Variants in PCDHGB2 observed in about 807,000 individuals in gnomAD.
PCDHGB2 encodes protocadherin gamma-B2.
In PCDHGB2, 55 loss-of-function variants were observed where a neutral mutation model predicts 59.3. The ratio of observed to expected loss-of-function variants is 0.93; its 90% confidence interval spans 0.75 to 1.16. The LOEUF is 1.16. Among genes scored for constraint, PCDHGB2 ranks in the 50% most tolerant of loss-of-function variants. The pLI, the probability that PCDHGB2 is intolerant of heterozygous loss-of-function variation, is 0.00. For synonymous variants in PCDHGB2, 516 were observed against 512.0 expected (o/e 1.01, Z -0.11); for missense variants, 1,228 against 1,198.5 (o/e 1.02, Z -0.36).
Position 141,487,781 on chromosome 5 carries a change from G to T in PCDHGB2, c.2422-7026G>T. ...AGACGCTGTGCTTTGTAACTGTTTC[G>T]TGAATTAACCAGAGTTGTCACAGTT... On this transcript the variant is annotated intron_variant, in intron 1 of 3. Transcript: ENST00000522605. This position sits in a 1 kb window ranked among gnomAD's most constrained non-coding sequence, Gnocchi z 5.0. 2 of 1,526,850 alleles carry T rather than the reference G, an allele frequency of 1.3e-6. No homozygotes were observed. The highest frequency in any genetic ancestry group is 8.8e-7 in the Non-Finnish European group (1 of 1,130,880). The allele number at this position is 1,526,850 out of a possible 1,614,324, so 94.6% of individuals were successfully genotyped here. A position where few individuals can be genotyped will look rare whatever the true frequency, so the allele number is the denominator to read the frequency against.
At position 141,403,569 on chromosome 5, in the gene PCDHGB2, C is replaced by A. The variant is rs1206497487; in HGVS notation, c.2421+41013C>A. On this transcript the variant is annotated intron_variant, in intron 1 of 3. Transcript: ENST00000522605. The stretch of plus-strand genomic sequence containing the variant: ...CGCGCCCTGGACAGGGAGGAGGCAA[C>A]TGCCCACCACCTGGTCCTCACGGCC... The A allele has an allele frequency of 5.6e-6, 9 of 1,613,828 alleles. No homozygotes were observed. The Admixed American group carries it at 6.7e-5, about 12-fold the overall frequency.
intron 1 of PCDHGB2, among the ~76,000 whole-genome samples, chr5:141,438,325 A>C (rs1400796518): frequency 6.6e-6 from 1 of 151,948 alleles, no homozygotes; most frequent in African/African-American, 2.4e-5. Context: ...AATTTTTCTT[A>C]TACATGTCAT....
rs775153988 is a variant in PCDHGB2 at position 141,485,268 on chromosome 5, G to A, written c.2422-9539G>A. On this transcript the variant is annotated intron_variant, in intron 1 of 3. Coordinates refer to ENST00000522605, the MANE Select transcript of PCDHGB2 (RefSeq NM_018923.3). This position sits in a 1 kb window ranked among gnomAD's most constrained non-coding sequence, Gnocchi z 5.7. ...CTGGGTTACGTTTGTGGGCAGATCC[G>A]CTACCCGGTCCCAGAGGAGTCACAG... 6.2e-7 allele frequency: 1 copy of A among 1,614,100 alleles called. No homozygotes were observed. Among genetic ancestry groups the A allele is most frequent in the Non-Finnish European group, 8.5e-7 (1 of 1,179,936 alleles).
In PCDHGB2 at chr5:141,476,850, A is replaced by G. The variant is rs747333239; in HGVS notation, c.2422-17957A>G. The G allele has an allele frequency of 1.2e-6, 2 of 1,613,836 alleles. No individual in the cohort carries two copies. Among genetic ancestry groups the G allele is most frequent in the Admixed American group, 3.3e-5 (2 of 60,030 alleles). ...GCGAATGACAATGCGCCTGTCTTCA[A>G]CCAGTCCTTGTACCGGGCGCGCGTC... is the stretch of plus-strand genomic sequence containing the variant. On this transcript the variant is annotated intron_variant, in intron 1 of 3. Transcript: ENST00000522605. The surrounding 1 kb of genome is among the most constrained non-coding windows in gnomAD (Gnocchi z 7.6).
intron 1 of PCDHGB2, chr5:141,385,324 G>A (rs1781124607): frequency 1.2e-6 from 2 of 1,607,160 alleles, no homozygotes; most frequent in Non-Finnish European, 1.7e-6. Flanking sequence ...AAGTATTCAG[G>A]TGAGCCCAGC....
At position 141,487,025 on chromosome 5, in the gene PCDHGB2, C is replaced by T. The variant is rs769789352; in HGVS notation, c.2422-7782C>T. On this transcript the variant is annotated intron_variant, in intron 1 of 3. Transcript: ENST00000522605. This position sits in a 1 kb window ranked among gnomAD's most constrained non-coding sequence, Gnocchi z 5.0. ...GCTCCTGGAGGCCCCAGATCCCAGCCTGTTTGCAGTCTCTCGATATGCTGG... is the reference window on the plus strand; with the variant it reads ...GCTCCTGGAGGCCCCAGATCCCAGCTTGTTTGCAGTCTCTCGATATGCTGG... 1.9e-6 allele frequency: 3 copies of T among 1,614,216 alleles called. No homozygotes were observed. Among genetic ancestry groups the T allele is most frequent in the Non-Finnish European group, 2.5e-6 (3 of 1,180,050 alleles).
At chr5:141,433,332 T>C (rs1344429296) in intron 1 of PCDHGB2, 7 of 694,580 alleles carry the variant, frequency 1.0e-5, no homozygotes, top group Non-Finnish European at 1.7e-5. Context: ...TAACAGGGAC[T>C]ACAGGTGCAA....
chr5:141,404,758 T>C, intron 1 of PCDHGB2: 1 of 1,613,742 alleles, frequency 6.2e-7, no homozygotes, highest in Non-Finnish European at 8.5e-7. Flanking sequence ...GCCAGAATGC[T>C]TGGCTCTCCT....
intron 1 of PCDHGB2, chr5:141,394,971 C>T: frequency 6.2e-7 from 1 of 1,613,938 alleles, no homozygotes. Context: ...GAGGCGCTGG[C>T]ACAAGTCACG....
chr5:141,422,197 G>C, intron 1 of PCDHGB2: 1 of 1,562,284 alleles, frequency 6.4e-7, no homozygotes, highest in Non-Finnish European at 8.6e-7. Flanking sequence ...TCAAGGCCAA[G>C]ATGGTGGAGG....
In PCDHGB2 at chr5:141,362,013, G is replaced by T. The variant is rs781020540; in HGVS notation, c.1878G>T (p.Val626=). ...LFSLGLRTGE[V]RTARALGDRD... ...GCCTGGGGTTGCGCACGGGTGAGGT[G>T]CGCACAGCGCGTGCCTTGGGCGACA... The change falls in exon 1 of 4, where the codon GTG becomes GTT. Residue 626 remains valine (V), a synonymous_variant. Transcript: ENST00000522605. 1 of 1,606,178 alleles carries T rather than the reference G, an allele frequency of 6.2e-7. No homozygotes were observed. The highest frequency in any genetic ancestry group is 1.1e-5 in the South Asian group (1 of 90,832).
intron 1 of PCDHGB2, chr5:141,384,043 G>A (rs367639640): frequency 1.6e-5 from 26 of 1,612,650 alleles, no homozygotes; most frequent in Admixed American, 3.3e-5. Flanking sequence ...GAATGGTGAG[G>A]TGACCTGCAC....
intron 1 of PCDHGB2, chr5:141,370,715 A>C (rs767773166): frequency 5.0e-6 from 8 of 1,613,816 alleles, no homozygotes; most frequent in East Asian, 2.2e-5. Flanking sequence ...TGGAATTTGA[A>C]ATGGTTGCTG....
chr5:141,454,563 C>T (rs1056296059), intron 1 of PCDHGB2, among the ~76,000 whole-genome samples: 46 of 151,960 alleles, frequency 3.0e-4, no homozygotes, highest in Non-Finnish European at 4.9e-4. Context: ...TGTGCCACCA[C>T]GCCCGGCTAA....
At chr5:141,364,765 T>C (rs767363057) in intron 1 of PCDHGB2, 4 of 1,613,970 alleles carry the variant, frequency 2.5e-6, no homozygotes, top group Non-Finnish European at 3.4e-6. Flanking sequence ...TTAATGAAAA[T>C]GCGGCTGCAG....
At chr5:141,419,151 C>T (rs2096335413) in intron 1 of PCDHGB2, 2 of 1,613,800 alleles carry the variant, frequency 1.2e-6, no homozygotes, top group African/African-American at 2.7e-5. Context: ...GGCAAGCCTC[C>T]GTTATCCTCC....
intron 1 of PCDHGB2, among the ~76,000 whole-genome samples, chr5:141,460,976 T>C (rs1444476508): frequency 7.6e-6 from 1 of 131,636 alleles, no homozygotes; most frequent in Non-Finnish European, 1.6e-5. Flanking sequence ...TGTGTGTGTG[T>C]GTGTGTGTAT....
Position 141,404,690 on chromosome 5 carries a change from C to T in PCDHGB2, c.2421+42134C>T, listed in dbSNP as rs199517824. The T allele has an allele frequency of 1.9e-4, 304 of 1,613,808 alleles. 1 individual carries two copies. Among genetic ancestry groups the T allele is most frequent in the Non-Finnish European group, 2.1e-4 (250 of 1,179,844 alleles). On this transcript the variant is annotated intron_variant, in intron 1 of 3. Coordinates refer to ENST00000522605, the MANE Select transcript of PCDHGB2 (RefSeq NM_018923.3). ...TTCTACTGGTGTGGAGCTGGCACCC[C>T]GCTCTGCAGAGCCTGGCTACCTGGT...
At chr5:141,420,469 T>C in intron 1 of PCDHGB2, 1 of 724,306 alleles carries the variant, frequency 1.4e-6, no homozygotes. Flanking sequence ...AAAGACATTT[T>C]AAAGCAAACT....
Sources: allele counts gnomAD v4.1 joint callset (sites outside exome capture counted in the v4.1 genomes callset), GRCh38; gene constraint gnomAD v4.1.1; non-coding constraint Gnocchi (gnomAD v3.1); transcripts MANE v1.5; gene names NCBI Gene and HGNC (gene_info 2026-07-23, HGNC 2026-07-21).